The following DPH6 variants were observed in gnomAD, a reference collection of about 807,000 sequenced individuals.
DPH6 encodes diphthamine biosynthesis 6.
In DPH6, 33 loss-of-function variants were observed where a neutral mutation model predicts 38.2. The ratio of observed to expected loss-of-function variants is 0.86; its 90% CI spans 0.65 to 1.15. The LOEUF is 1.15. DPH6 is among the 50% of genes most tolerant of loss of function. The pLI, the probability that DPH6 is intolerant of heterozygous loss-of-function variation, is 0.00. For synonymous variants in DPH6, 108 were observed against 103.0 expected (o/e 1.05, Z -0.30); for missense variants, 325 against 320.0 (o/e 1.02, Z -0.12).
At chr15:35,445,891 G>A (rs1354632148) in intron 5 of DPH6, among the ~76,000 whole-genome samples, 1 of 152,206 alleles carries the variant, frequency 6.6e-6, no homozygotes, top group Non-Finnish European at 1.5e-5. Flanking sequence ...TGCATGAGCA[G>A]AGCAGTTTCT....
At chr15:35,378,795 G>A (rs564417107) in intron 7 of DPH6, among the ~76,000 whole-genome samples, 14 of 151,736 alleles carry the variant, frequency 9.2e-5, no homozygotes, top group Middle Eastern at 3.4e-3. Context: ...TGGACACAGG[G>A]AGGGGAACAT....
intron 5 of DPH6, among the ~76,000 whole-genome samples, chr15:35,416,236 C>T (rs890999220): frequency 4.6e-5 from 7 of 152,042 alleles, no homozygotes; most frequent in Non-Finnish European, 1.0e-4. Flanking sequence ...GTTGAATAAG[C>T]TTGTTTTAGA....
chr15:35,432,797 A>T (rs537210541), intron 5 of DPH6, among the ~76,000 whole-genome samples: 25 of 152,316 alleles, frequency 1.6e-4, no homozygotes, highest in Admixed American at 1.6e-3. Flanking sequence ...GTTCAATAGG[A>T]AAGTCATATT....
intron 3 of DPH6, among the ~76,000 whole-genome samples, chr15:35,318,651 T>C (rs946912186): frequency 6.6e-6 from 1 of 152,124 alleles, no homozygotes; most frequent in Non-Finnish European, 1.5e-5. Context: ...AATCAAGAAC[T>C]AAAAACAACA....
chr15:35,387,601 G>A (rs958602526), intron 6 of DPH6, among the ~76,000 whole-genome samples: 1 of 152,100 alleles, frequency 6.6e-6, no homozygotes, highest in Non-Finnish European at 1.5e-5. Context: ...TCTGTTTGAA[G>A]CAATTGTGAA....
intron 3 of DPH6, among the ~76,000 whole-genome samples, chr15:35,236,447 G>A (rs981413654): frequency 4.6e-5 from 7 of 151,948 alleles, no homozygotes; most frequent in African/African-American, 1.7e-4. Context: ...GACCATCCGG[G>A]CTAACACGGT....
chr15:35,153,622 GT>G, the DPH6 span, among the ~76,000 whole-genome samples: 1 of 152,238 alleles, frequency 6.6e-6, no homozygotes, highest in East Asian at 1.9e-4. Flanking sequence ...AATTTAGTAT[GT>G]AAGTTTGACC....
At chr15:35,520,307 C>T (rs765268264) in intron 3 of DPH6, 9 of 975,620 alleles carry the variant, frequency 9.2e-6, no homozygotes, top group African/African-American at 1.8e-5. Context: ...CACATAAAAA[C>T]TCAAAGTAAA....
chr15:35,458,877 G>A (rs1230974361), intron 3 of DPH6, among the ~76,000 whole-genome samples: 1 of 152,142 alleles, frequency 6.6e-6, no homozygotes, highest in Non-Finnish European at 1.5e-5. Flanking sequence ...CTGTAATCAA[G>A]ATAGACATCA....
At chr15:35,519,856 T>G (rs1010707246) in intron 3 of DPH6, 1 of 151,964 alleles carries the variant, frequency 6.6e-6, no homozygotes, top group Non-Finnish European at 1.5e-5. Context: ...GGGAAAGAAC[T>G]AAAATGTATG....
At chr15:35,526,694 T>C (rs2055008510) in intron 3 of DPH6, among the ~76,000 whole-genome samples, 1 of 152,200 alleles carries the variant, frequency 6.6e-6, no homozygotes, top group African/African-American at 2.4e-5. Flanking sequence ...ACTTAAGTCC[T>C]TGCTTGAGGC....
intron 3 of DPH6, among the ~76,000 whole-genome samples, chr15:35,280,196 G>T (rs546894273): frequency 1.3e-5 from 2 of 152,222 alleles, no homozygotes; most frequent in Admixed American, 6.5e-5. Flanking sequence ...TCTGATTTTG[G>T]TTCCTGGGTC....
chr15:35,532,968 G>A (rs1229028884), intron 3 of DPH6, among the ~76,000 whole-genome samples: 1 of 152,028 alleles, frequency 6.6e-6, no homozygotes, highest in Non-Finnish European at 1.5e-5. Flanking sequence ...TTAGCCAGGT[G>A]TGATTGCGGG....
At chr15:35,410,971 C>G (rs2053358818) in intron 5 of DPH6, 75 bp from the exon 6 acceptor site, 5 of 1,262,478 alleles carry the variant, frequency 4.0e-6, no homozygotes, top group Non-Finnish European at 3.3e-6. Context: ...CTTCCCTTGG[C>G]CCCTCCTCAC....
Position 35,360,035 on chromosome 15 carries a change from T to C in DPH6, n.207+13486A>G, listed in dbSNP as rs139292953. 2.5e-4 allele frequency among the ~76,000 whole-genome samples: 38 copies of C among 152,350 alleles called. 1 individual carries two copies. The South Asian group carries it at 5.0e-3, about 20-fold the overall frequency. On this transcript the variant is annotated intron_variant and non_coding_transcript_variant, in intron 3 of 3. Transcript: ENST00000558973. ...ATTTCCATTTCTTTAGCGCTGGTTA[T>C]TGGAGCTTTATTCATTTCCTTTGGT...
Position 35,371,749 on chromosome 15 carries a change from A to G in DPH6, c.*401T>C. On this transcript the variant is annotated 3_prime_UTR_variant, in exon 9 of 9. Coordinates refer to ENST00000256538, the MANE Select transcript of DPH6 (RefSeq NM_080650.4). ...GCTTGACTGGCTAAATAAAGTGACC[A>G]TCTTTTCATCTTCATTTTCAAATGC... is the stretch of plus-strand genomic sequence containing the variant. The G allele has an allele frequency of 1.0e-6, 1 of 988,864 alleles. No individual in the cohort carries two copies. Among genetic ancestry groups the G allele is most frequent in the Non-Finnish European group, 1.2e-6 (1 of 832,494 alleles). The allele number at this position is 988,864 out of a possible 1,614,324, so 61.3% of individuals were successfully genotyped here. A position where few individuals can be genotyped will look rare whatever the true frequency, so the allele number is the denominator to read the frequency against.
At chr15:35,425,664 A>AGTGT (rs753030097) in intron 5 of DPH6, among the ~76,000 whole-genome samples, 9 of 124,882 alleles carry the variant, frequency 7.2e-5, no homozygotes, top group Non-Finnish European at 1.5e-4. Flanking sequence ...TATATATGGA[A>AGTGT]GTGTGTGTGT....
intron 6 of DPH6, among the ~76,000 whole-genome samples, chr15:35,385,326 T>A (rs1383006971): frequency 1.3e-5 from 2 of 152,218 alleles, no homozygotes; most frequent in African/African-American, 4.8e-5. Context: ...CACGTATGTT[T>A]ACTGCAGCAC....
chr15:35,290,667 G>A (rs1160135807), intron 3 of DPH6, among the ~76,000 whole-genome samples: 1 of 152,078 alleles, frequency 6.6e-6, no homozygotes, highest in African/African-American at 2.4e-5. Context: ...GTCTCATTTC[G>A]AACAACAGTA....
Sources: allele counts gnomAD v4.1 joint callset (sites outside exome capture counted in the v4.1 genomes callset), GRCh38; gene constraint gnomAD v4.1.1; transcripts MANE v1.5; gene names NCBI Gene and HGNC (gene_info 2026-07-23, HGNC 2026-07-21).